The following ELAVL2 variants were observed in gnomAD, a reference collection of about 807,000 sequenced individuals.
The protein encoded by ELAVL2 is ELAV like RNA binding protein 2, also known as ELAV-like protein 2.
ELAVL2 carries 4 observed loss-of-function variants against 34.6 expected under a neutral mutation model. The observed-to-expected ratio is 0.12, with a 90% CI of 0.06 to 0.26. The LOEUF (loss-of-function observed/expected upper bound fraction) is 0.26. Ranked by LOEUF, ELAVL2 falls within the 10% of genes least tolerant of loss-of-function variation. The pLI is 1.00. For missense variants in ELAVL2, 432 were observed against 442.8 expected (o/e 0.98, Z 0.22); for synonymous variants, 193 against 154.8 (o/e 1.25, Z -1.83).
At chr9:23,794,573 C>T (rs972550400) in intron 1 of ELAVL2, among the ~76,000 whole-genome samples, 7 of 152,200 alleles carry the variant, frequency 4.6e-5, no homozygotes, top group African/African-American at 1.7e-4. Flanking sequence ...CAGTTTTAAA[C>T]ATTCCTAGAA....
intron 1 of ELAVL2, among the ~76,000 whole-genome samples, chr9:23,796,390 C>A (rs955471685): frequency 6.6e-6 from 1 of 152,238 alleles, no homozygotes; most frequent in African/African-American, 2.4e-5. Context: ...CATACTCTGT[C>A]CTTTGAGACA....
chr9:23,715,536 A>G (rs1008245685), intron 3 of ELAVL2, among the ~76,000 whole-genome samples: 2 of 152,222 alleles, frequency 1.3e-5, no homozygotes, highest in East Asian at 3.8e-4. Flanking sequence ...CTTCACTGAA[A>G]ACAACGCAGG....
chr9:23,788,764 A>T (rs1456757760), intron 1 of ELAVL2, among the ~76,000 whole-genome samples: 1 of 152,192 alleles, frequency 6.6e-6, no homozygotes, highest in Non-Finnish European at 1.5e-5. Context: ...CAATACCTCG[A>T]AAGTCAATCT....
chr9:23,846,708 G>C, the ELAVL2 span, among the ~76,000 whole-genome samples: 2 of 152,028 alleles, frequency 1.3e-5, no homozygotes, highest in Non-Finnish European at 2.9e-5. Context: ...GACAAACCAG[G>C]CTAATGTATC....
chr9:23,768,746 C>A (rs2056780298), intron 1 of ELAVL2, among the ~76,000 whole-genome samples: 1 of 152,116 alleles, frequency 6.6e-6, no homozygotes, highest in South Asian at 2.1e-4. Context: ...AAGCCTCTGG[C>A]CAGCAGGGTT....
In ELAVL2 at chr9:23,786,802, A is replaced by AAAAAAAAAAAAAAAAAAAAAAAAAAAAC. The variant is rs1554747169; in HGVS notation, c.-15-24554_-15-24553insGTTTTTTTTTTTTTTTTTTTTTTTTTTT. 2.4e-5 allele frequency among the ~76,000 whole-genome samples: 3 copies of AAAAAAAAAAAAAAAAAAAAAAAAAAAAC among 127,334 alleles called. 1 individual carries two copies. Among genetic ancestry groups the AAAAAAAAAAAAAAAAAAAAAAAAAAAAC allele is most frequent in the Admixed American group, 8.1e-5 (1 of 12,334 alleles). 83.5% of individuals were successfully genotyped at this position (127,334 alleles called of 152,430 possible). A position where few individuals can be genotyped will look rare whatever the true frequency, so the allele number is the denominator to read the frequency against. ...GTGGCAAAAAAAAAAAAAAAAAAAA[A>AAAAAAAAAAAAAAAAAAAAAAAAAAAAC]AGAGAGAGAGAGAAAGGAAAGCCTT... On this transcript the variant is annotated intron_variant, in intron 1 of 6. Transcript: ENST00000397312.
At chr9:23,777,503 C>T (rs1204533026) in intron 1 of ELAVL2, among the ~76,000 whole-genome samples, 1 of 152,164 alleles carries the variant, frequency 6.6e-6, no homozygotes, top group Non-Finnish European at 1.5e-5. Context: ...ATGCTTTTTA[C>T]ATCCATCCTT....
intron 1 of ELAVL2, among the ~76,000 whole-genome samples, chr9:23,772,347 T>A (rs1343126229): frequency 6.6e-6 from 1 of 151,932 alleles, no homozygotes; most frequent in South Asian, 2.1e-4. Flanking sequence ...ATGACTAATC[T>A]TAAAGGGAAA....
chr9:23,703,970 T>C (rs564298021), intron 4 of ELAVL2, among the ~76,000 whole-genome samples: 62 of 152,210 alleles, frequency 4.1e-4, no homozygotes, highest in South Asian at 8.3e-4. Context: ...TTGTTGCCCA[T>C]TGCCCAGGCT....
chr9:23,743,016 C>T (rs936192447), intron 2 of ELAVL2, among the ~76,000 whole-genome samples: 1 of 152,098 alleles, frequency 6.6e-6, no homozygotes. Flanking sequence ...TCACAAACCT[C>T]AAGAACACTC....
At chr9:23,718,599 G>C (rs991911813) in intron 3 of ELAVL2, among the ~76,000 whole-genome samples, 8 of 152,150 alleles carry the variant, frequency 5.3e-5, no homozygotes, top group Admixed American at 3.3e-4. Flanking sequence ...CAAGGAAAAA[G>C]AATAACAGAA....
At position 23,822,927 on chromosome 9, in the gene ELAVL2, G is replaced by C. The variant is rs534459999; in HGVS notation, c.-16+2879C>G. 1.1e-3 allele frequency among the ~76,000 whole-genome samples: 171 copies of C among 152,328 alleles called. 1 individual carries two copies. The highest frequency in any genetic ancestry group is 3.8e-3 in the African/African-American group (159 of 41,574). The stretch of plus-strand genomic sequence containing the variant: ...CCCGCCCCCATGCGACGGGCGGAGC[G>C]GGGTTGGGGGGAAGGGAGGGGACTC... On this transcript the variant is annotated intron_variant, in intron 1 of 6. Coordinates refer to ENST00000397312, the MANE Select transcript of ELAVL2 (RefSeq NM_004432.5).
chr9:23,747,057 G>T (rs186851047), intron 2 of ELAVL2, among the ~76,000 whole-genome samples: 1 of 151,982 alleles, frequency 6.6e-6, no homozygotes, highest in Non-Finnish European at 1.5e-5. Flanking sequence ...TCCACTAGCC[G>T]AGTACAGTAG....
chr9:23,784,348 G>A (rs962504331), intron 1 of ELAVL2, among the ~76,000 whole-genome samples: 13 of 152,320 alleles, frequency 8.5e-5, no homozygotes, highest in Middle Eastern at 6.8e-3. Context: ...AAAAAAGGAT[G>A]CTGTGGGAAT....
chr9:23,783,897 T>C (rs1351501443), intron 1 of ELAVL2, among the ~76,000 whole-genome samples: 1 of 152,190 alleles, frequency 6.6e-6, no homozygotes, highest in Non-Finnish European at 1.5e-5. Flanking sequence ...CAATCATTTT[T>C]AAAATGCTGG....
At chr9:23,766,434 A>G (rs1301878052) in intron 1 of ELAVL2, among the ~76,000 whole-genome samples, 1 of 152,160 alleles carries the variant, frequency 6.6e-6, no homozygotes, top group African/African-American at 2.4e-5. Context: ...GCAGGCATAA[A>G]TGTATGTCCT....
intron 1 of ELAVL2, among the ~76,000 whole-genome samples, chr9:23,804,448 C>T (rs2061962601): frequency 6.6e-6 from 1 of 152,116 alleles, no homozygotes; most frequent in African/African-American, 2.4e-5. Context: ...TTGCTTTTTA[C>T]ATTTCAAGAT....
intron 1 of ELAVL2, among the ~76,000 whole-genome samples, chr9:23,823,893 G>C (rs2065113336): frequency 6.6e-6 from 1 of 152,114 alleles, no homozygotes; most frequent in South Asian, 2.1e-4. Flanking sequence ...AATAGTGTAG[G>C]CCTGGGAAAT....
At chr9:23,782,617 C>T (rs2059211870) in intron 1 of ELAVL2, among the ~76,000 whole-genome samples, 1 of 151,900 alleles carries the variant, frequency 6.6e-6, no homozygotes, top group African/African-American at 2.4e-5. Flanking sequence ...AAACAAAAAA[C>T]CATGCAAGAG....
Sources: allele counts gnomAD v4.1 joint callset (sites outside exome capture counted in the v4.1 genomes callset), GRCh38; gene constraint gnomAD v4.1.1; transcripts MANE v1.5; gene names NCBI Gene and HGNC (gene_info 2026-07-23, HGNC 2026-07-21).